Variants in MCOLN2 observed in about 807,000 individuals in gnomAD.
MCOLN2 encodes the protein mucolipin-2.
A neutral mutation model predicts 67.5 loss-of-function variants in MCOLN2; 57 were observed. That is an observed-to-expected ratio of 0.84 (90% CI 0.68 to 1.05). The LOEUF is 1.05. Among genes scored for constraint, MCOLN2 ranks in the 50% least tolerant of loss-of-function variants. The pLI, the probability that MCOLN2 is intolerant of heterozygous loss-of-function variation, is 0.00. For missense variants in MCOLN2, 620 were observed against 678.8 expected, an observed-to-expected ratio of 0.91 and a Z score of 0.96; for synonymous variants, 246 against 233.3, an observed-to-expected ratio of 1.05 and a Z score of -0.50.
Position 84,987,577 on chromosome 1 carries a change from C to T in MCOLN2, c.77+9219G>A, listed in dbSNP as rs563414237. Among the ~76,000 whole-genome samples the T allele has an allele frequency of 5.3e-4, 40 of 75,268 alleles. 2 individuals are homozygous for T. Among genetic ancestry groups the T allele is most frequent in the South Asian group, 8.7e-4 (2 of 2,294 alleles). 49.4% of individuals were successfully genotyped at this position (75,268 alleles called of 152,430 possible). Reference sequence around the variant, plus strand: ...ACATCTATGTATACATAGATGTATACATAGATATATACATATGTATATAGA... The same window carrying T: ...ACATCTATGTATACATAGATGTATATATAGATATATACATATGTATATAGA... On this transcript the variant is annotated intron_variant, in intron 1 of 13. Coordinates refer to ENST00000370608, the MANE Select transcript of MCOLN2 (RefSeq NM_153259.4).
At chr1:84,937,700 A>G (rs935371054) in intron 11 of MCOLN2, 55 bp downstream of exon 11, 2 of 1,601,632 alleles carry the variant, frequency 1.2e-6, no homozygotes, top group African/African-American at 1.3e-5. Flanking sequence ...CTAGAAACCC[A>G]CGTTCAAGGG....
At position 84,940,941 on chromosome 1, in the gene MCOLN2, T is replaced by C; in HGVS notation, c.898A>G (p.Ile300Val). Reference protein sequence around the residue: ...VLVFDAFVIVICLASLILCTR... With the variant: ...VLVFDAFVIVVCLASLILCTR... ...CACAGAATAAGAGATGCCAAGCAAA[T>C]CACAATGACAAATGCATCAAACACC... The change falls in exon 8 of 14, where the codon ATT (isoleucine) becomes GTT (valine). Residue 300 changes from isoleucine to valine, a missense_variant. Ile to Val is a conservative substitution (Grantham distance 29, BLOSUM62 3). Coordinates refer to ENST00000370608, the MANE Select transcript of MCOLN2 (RefSeq NM_153259.4). The C allele has an allele frequency of 4.3e-6, 7 of 1,613,708 alleles. No individual in the cohort carries two copies. Among genetic ancestry groups the C allele is most frequent in the Non-Finnish European group, 5.9e-6 (7 of 1,179,828 alleles).
chr1:84,961,145 T>C (rs1372344776), intron 2 of MCOLN2, among the ~76,000 whole-genome samples: 1 of 152,198 alleles, frequency 6.6e-6, no homozygotes, highest in Non-Finnish European at 1.5e-5. Flanking sequence ...TCAAGTAATT[T>C]ATCCAGGTTG....
chr1:84,997,102 G>C lies in MCOLN2; in HGVS notation c.-230C>G. On this transcript the variant is annotated 5_prime_UTR_variant, in exon 1 of 14. Coordinates refer to ENST00000370608, the MANE Select transcript of MCOLN2 (RefSeq NM_153259.4). ...CGGGCAGTTCTCGGGCGGCTGAAAG[G>C]CGGCTCTGTGTGCACCCTGCAGGAT... The C allele has an allele frequency of 3.5e-6, 2 of 564,298 alleles. No individual in the cohort carries two copies. Among genetic ancestry groups the C allele is most frequent in the Non-Finnish European group, 6.3e-6 (2 of 318,768 alleles). 35.0% of individuals were successfully genotyped at this position (564,298 alleles called of 1,614,324 possible).
chr1:84,954,431 C>G (rs1316737508), intron 4 of MCOLN2, among the ~76,000 whole-genome samples: 1 of 152,220 alleles, frequency 6.6e-6, no homozygotes, highest in Non-Finnish European at 1.5e-5. Context: ...CATATTGGCA[C>G]TTAACTCCAT....
rs555608327 is a variant in MCOLN2, at chr1:84,952,251, G to C, written c.739C>G (p.Gln247Glu). 1.4e-5 allele frequency: 23 copies of C among 1,605,212 alleles called. No individual in the cohort carries two copies. The South Asian group carries it at 2.5e-4, about 17-fold the overall frequency. The change falls in exon 6 of 14, where the codon CAG becomes GAG. Residue 247 changes from glutamine (Q) to glutamate (E), a missense_variant. Coordinates refer to ENST00000370608, the MANE Select transcript of MCOLN2 (RefSeq NM_153259.4). The part of the protein sequence containing the change: ...SRELPDCYVF[Q>E]NTIIFDNKAH... ...AAAACAAAGATACTTGCCGTATTCT[G>C]AAAGACATAACAGTCTGGTAACTCA... is the stretch of plus-strand genomic sequence containing the variant.
intron 12 of MCOLN2, among the ~76,000 whole-genome samples, chr1:84,930,617 A>T (rs973874672): frequency 6.6e-6 from 1 of 152,078 alleles, no homozygotes; most frequent in Non-Finnish European, 1.5e-5. Flanking sequence ...TTCCCACCTG[A>T]ACACTTACTT....
intron 1 of MCOLN2, among the ~76,000 whole-genome samples, chr1:84,969,053 G>A (rs1221658504): frequency 3.3e-5 from 5 of 152,168 alleles, no homozygotes; most frequent in Admixed American, 6.5e-5. Flanking sequence ...GAGAGCTTCC[G>A]GAACACATGG....
chr1:84,964,359 A>G (rs1649258329), intron 2 of MCOLN2, among the ~76,000 whole-genome samples: 1 of 152,142 alleles, frequency 6.6e-6, no homozygotes. Context: ...ACACCTCTAC[A>G]CTGATAACAG....
chr1:84,944,910 C>T (rs867925291), intron 7 of MCOLN2, among the ~76,000 whole-genome samples: 1 of 152,206 alleles, frequency 6.6e-6, no homozygotes, highest in African/African-American at 2.4e-5. Flanking sequence ...TCTCAATCCA[C>T]CAGACAGCTT....
intron 12 of MCOLN2, among the ~76,000 whole-genome samples, 181 bp downstream of exon 12, chr1:84,931,181 C>A (rs1197633521): frequency 6.6e-6 from 1 of 152,162 alleles, no homozygotes; most frequent in East Asian, 1.9e-4. Context: ...CCAAACCAAT[C>A]CACCCTGCTG....
At position 84,937,757 on chromosome 1, in the gene MCOLN2, T is replaced by C. The variant is rs1316974198; in HGVS notation, c.1333A>G (p.Lys445Glu). The change falls in exon 11 of 14, where the codon AAG (lysine) becomes GAG (glutamate). Residue 445 changes from lysine (K) to glutamate (E), a missense_variant and splice_region_variant. Lys to Glu is a moderately conservative substitution (Grantham distance 56). Transcript: ENST00000370608. ...AAGGAAGAATGTGAGCTACACACCT[T>C]GTCATGGTATGGTCCTAAGACAATC... ...GWIVLGPYHDKFENLNTVAEC... is the reference protein window; with the variant it reads ...GWIVLGPYHDEFENLNTVAEC... 2 of 1,614,032 alleles carry C rather than the reference T, an allele frequency of 1.2e-6. No individual in the cohort carries two copies. Among genetic ancestry groups the C allele is most frequent in the Non-Finnish European group, 1.7e-6 (2 of 1,180,026 alleles).
chr1:84,957,850 C>A (rs1278865665), intron 3 of MCOLN2, among the ~76,000 whole-genome samples: 1 of 152,170 alleles, frequency 6.6e-6, no homozygotes, highest in Non-Finnish European at 1.5e-5. Flanking sequence ...ACTGATGCAT[C>A]CTCAATGACT....
chr1:84,937,534 A>G, intron 11 of MCOLN2: 4 of 1,198,676 alleles, frequency 3.3e-6, no homozygotes, highest in Non-Finnish European at 4.2e-6. Flanking sequence ...GACAACTATA[A>G]TACATGCTTT....
At chr1:84,949,497 T>C (rs112786197) in intron 6 of MCOLN2, among the ~76,000 whole-genome samples, 25,987 of 151,870 alleles carry the variant, frequency 0.17, 5,194 homozygotes, top group African/African-American at 0.49. Context: ...AAAAATTAGC[T>C]GGGCGTGGTG....
At chr1:84,967,704 G>A (rs1649447923) in intron 1 of MCOLN2, among the ~76,000 whole-genome samples, 1 of 139,000 alleles carries the variant, frequency 7.2e-6, no homozygotes, top group African/African-American at 2.6e-5. Context: ...AAGAGGGAGA[G>A]AAGAAGAGAA....
chr1:84,946,979 T>TA, intron 7 of MCOLN2, 54 bp downstream of exon 7: 2 of 867,824 alleles, frequency 2.3e-6, no homozygotes, highest in Non-Finnish European at 3.8e-6. Flanking sequence ...AGCCACAAAA[T>TA]AAAGTGTTAA....
chr1:84,944,561 A>C (rs1647986945), intron 7 of MCOLN2, among the ~76,000 whole-genome samples: 1 of 152,034 alleles, frequency 6.6e-6, no homozygotes, highest in Non-Finnish European at 1.5e-5. Context: ...AAGAAAAAAA[A>C]CATCTATATC....
At chr1:84,996,654 A>T (rs1035679296) in intron 1 of MCOLN2, 142 bp downstream of exon 1, 6 of 698,138 alleles carry the variant, frequency 8.6e-6, no homozygotes, top group Admixed American at 5.1e-5. Context: ...GGCACAGCCT[A>T]GCCTTATTTA....
Sources: allele counts gnomAD v4.1 joint callset (sites outside exome capture counted in the v4.1 genomes callset), GRCh38; gene constraint gnomAD v4.1.1; transcripts MANE v1.5; gene names NCBI Gene and HGNC (gene_info 2026-07-23, HGNC 2026-07-21).